The following ZFR2 variants were observed in gnomAD, a reference collection of about 807,000 sequenced individuals.
ZFR2 encodes the protein zinc finger RNA binding protein 2, also known as zinc finger RNA-binding protein 2.
In ZFR2, 104 loss-of-function variants were observed where a neutral mutation model predicts 105.7. That is an observed-to-expected ratio of 0.98 (90% CI 0.84 to 1.16). The LOEUF (loss-of-function observed/expected upper bound fraction) is 1.16. Ranked by LOEUF, ZFR2 falls within the 50% of genes most tolerant of loss-of-function variation. The probability of loss-of-function intolerance (pLI) is 0.00; values close to 1 mark genes in which losing one functional copy is unlikely to be tolerated. For missense variants in ZFR2, 1,425 were observed against 1,355.5 expected, an observed-to-expected ratio of 1.05 and a Z score of -0.80; for synonymous variants, 634 against 597.7, an observed-to-expected ratio of 1.06 and a Z score of -0.89.
chr19:3,850,743 AC>A (rs2038229336), intron 1 of ZFR2, among the ~76,000 whole-genome samples: 1 of 141,526 alleles, frequency 7.1e-6, no homozygotes, highest in South Asian at 2.3e-4. Context: ...AACAACAACA[AC>A]AACAACAAAA....
At chr19:3,812,135 C>G (rs974203162) in intron 14 of ZFR2, among the ~76,000 whole-genome samples, 1 of 151,828 alleles carries the variant, frequency 6.6e-6, no homozygotes, top group Non-Finnish European at 1.5e-5. Context: ...GTAGAGACAG[C>G]GTTTCACCGT....
chr19:3,823,408 G>A lies in ZFR2; in HGVS notation c.1214-5C>T. 9 of 1,599,354 alleles carry A rather than the reference G, an allele frequency of 5.6e-6. No individual in the cohort carries two copies. Among genetic ancestry groups the A allele is most frequent in the Non-Finnish European group, 7.7e-6 (9 of 1,173,498 alleles). ...CTGCCTGTGGCTCAGGAGGCCCTGAGGGGAAAAACCATGTCACTTATACCC... is the reference window on the plus strand; with the variant it reads ...CTGCCTGTGGCTCAGGAGGCCCTGAAGGGAAAAACCATGTCACTTATACCC... On this transcript the variant is annotated splice_region_variant and splice_polypyrimidine_tract_variant and intron_variant, in intron 7 of 18. Transcript: ENST00000262961. This position sits in a 1 kb window ranked among gnomAD's most constrained non-coding sequence, Gnocchi z 5.4.
At chr19:3,836,000 AG>A (rs2038073912) in intron 1 of ZFR2, among the ~76,000 whole-genome samples, 1 of 152,088 alleles carries the variant, frequency 6.6e-6, no homozygotes, top group African/African-American at 2.4e-5. Flanking sequence ...ACTATCTGCA[AG>A]GGTTGAGTTC....
At chr19:3,819,371 T>G in intron 11 of ZFR2, 136 bp from the exon 12 acceptor site, 1 of 927,918 alleles carries the variant, frequency 1.1e-6, no homozygotes, top group South Asian at 1.8e-5. Flanking sequence ...GAGAATCCAG[T>G]GCACACAGAG....
intron 3 of ZFR2, chr19:3,833,452 T>G: frequency 2.3e-6 from 1 of 429,786 alleles, no homozygotes; most frequent in East Asian, 4.0e-5. Context: ...TGCAGGCACT[T>G]GTAGTCCCAG....
intron 1 of ZFR2, chr19:3,852,258 T>C (rs926380890): frequency 2.3e-5 from 13 of 555,132 alleles, no homozygotes; most frequent in African/African-American, 4.0e-5. Flanking sequence ...CCTGGCCAGA[T>C]GGGGCTCAGC....
chr19:3,819,014 C>A lies in ZFR2; in HGVS notation c.1931+31G>T, dbSNP rs769515354. ...AGCTGACCTCTGTCCTGGCTGAGAG[C>A]CGGGCCCTGGGGAAGGGGATCTCCA... is the stretch of plus-strand genomic sequence containing the variant. On this transcript the variant is annotated intron_variant, in intron 12 of 18. Coordinates refer to ENST00000262961, the MANE Select transcript of ZFR2 (RefSeq NM_015174.2). 17 of 1,601,740 alleles carry A rather than the reference C, an allele frequency of 1.1e-5. No homozygotes were observed. The Admixed American group carries it at 2.9e-4, about 27-fold the overall frequency.
intron 1 of ZFR2, among the ~76,000 whole-genome samples, chr19:3,839,541 A>AAG: frequency 1.0e-4 from 1 of 10,014 alleles, no homozygotes; most frequent in Non-Finnish European, 1.4e-4. Context: ...TCTGTCAAAA[A>AAG]AAAAAAAAAA....
intron 1 of ZFR2, among the ~76,000 whole-genome samples, chr19:3,853,923 A>C (rs927317400): frequency 2.0e-5 from 3 of 151,962 alleles, no homozygotes; most frequent in Admixed American, 2.0e-4. Context: ...AAGTCTCTAC[A>C]AACTACAAAA....
chr19:3,857,571 G>A (rs1274311508), intron 1 of ZFR2, among the ~76,000 whole-genome samples: 1 of 150,502 alleles, frequency 6.6e-6, no homozygotes, highest in African/African-American at 2.4e-5. Context: ...GTGCATGCCT[G>A]TAGTCCCAGC....
Position 3,823,108 on chromosome 19 carries a change from G to A in ZFR2, c.1371+138C>T. 2 of 1,237,484 alleles carry A rather than the reference G, an allele frequency of 1.6e-6. No homozygotes were observed. The highest frequency in any genetic ancestry group is 1.4e-5 in the South Asian group (1 of 73,070). The allele number at this position is 1,237,484 out of a possible 1,614,324, so 76.7% of individuals were successfully genotyped here. Reference sequence around the variant, plus strand: ...GGTCTGCACGGGGTTTTGGTCCATGGAGGTCTGGCCTGTGCAGCTCAGGAA... The same window carrying A: ...GGTCTGCACGGGGTTTTGGTCCATGAAGGTCTGGCCTGTGCAGCTCAGGAA... On this transcript the variant is annotated intron_variant, in intron 8 of 18. Coordinates refer to ENST00000262961, the MANE Select transcript of ZFR2 (RefSeq NM_015174.2). The surrounding 1 kb of genome is among the most constrained non-coding windows in gnomAD (Gnocchi z 5.4).
At position 3,825,315 on chromosome 19, in the gene ZFR2, G is replaced by T; in HGVS notation, c.1128C>A (p.Pro376=). 6.3e-7 allele frequency: 1 copy of T among 1,582,784 alleles called. No individual in the cohort carries two copies. The highest frequency in any genetic ancestry group is 8.5e-7 in the Non-Finnish European group (1 of 1,169,798). ...TESPPGAEAK[P]TSPTGPSVCA... Reference sequence around the variant, plus strand: ...ACACGCTGGGGCCAGTGGGGGACGTGGGCTTGGCCTCTGCCCCGGGGGGGC... The same window carrying T: ...ACACGCTGGGGCCAGTGGGGGACGTTGGCTTGGCCTCTGCCCCGGGGGGGC... Residue 376 remains proline, a synonymous_variant, in exon 7 of 19, where the codon CCC becomes CCA. Transcript: ENST00000262961.
chr19:3,822,292 C>T (rs2037905260), intron 8 of ZFR2, 92 bp from the exon 9 acceptor site: 5 of 1,514,930 alleles, frequency 3.3e-6, no homozygotes, highest in South Asian at 1.2e-5. Context: ...AGCCTTCCTC[C>T]TTGCTGCTCA....
At chr19:3,820,880 C>A (rs1285360120) in intron 10 of ZFR2, among the ~76,000 whole-genome samples, 80 of 90,756 alleles carry the variant, frequency 8.8e-4, no homozygotes, top group African/African-American at 3.4e-3. Context: ...CACTAGAGGT[C>A]GGGGGACACA....
At chr19:3,819,661 C>T (rs1434204038) in intron 11 of ZFR2, among the ~76,000 whole-genome samples, 1 of 152,078 alleles carries the variant, frequency 6.6e-6, no homozygotes, top group Non-Finnish European at 1.5e-5. Flanking sequence ...CCAGGCCAGC[C>T]TGGCCAACAT....
chr19:3,846,603 T>TA (rs987462382), intron 1 of ZFR2, among the ~76,000 whole-genome samples: 2 of 152,158 alleles, frequency 1.3e-5, no homozygotes, highest in Non-Finnish European at 1.5e-5. Flanking sequence ...CACGCATCTT[T>TA]AAAAAAAGAC....
rs368756015 is a variant in ZFR2 at position 3,826,203 on chromosome 19, C to T, written c.1036-796G>A. Among the ~76,000 whole-genome samples the T allele has an allele frequency of 1.1e-4, 17 of 152,266 alleles. No homozygotes were observed. The South Asian group carries it at 2.9e-3, about 26-fold the overall frequency. ...CTCCTCCATGCCTCCCTGCTCATTC[C>T]TCTTTCCCCTGTGGGTTCACACGGG... is the stretch of plus-strand genomic sequence containing the variant. On this transcript the variant is annotated intron_variant, in intron 6 of 18. Transcript: ENST00000262961.
At chr19:3,820,329 CAGTGGCCCTA>C (rs2037876482) in intron 10 of ZFR2, 39 bp from the exon 11 acceptor site, 1 of 1,514,420 alleles carries the variant, frequency 6.6e-7, no homozygotes, top group African/African-American at 1.4e-5. Context: ...GTCAGGCCAG[CAGTGGCCCTA>C]AGCTGGGGGC....
In ZFR2 at chr19:3,834,528, G is replaced by A. The variant is rs188300259; in HGVS notation, c.264+245C>T. Among the ~76,000 whole-genome samples the A allele has an allele frequency of 6.6e-6, 1 of 152,286 alleles. No individual in the cohort carries two copies. Among genetic ancestry groups the A allele is most frequent in the East Asian group, 1.9e-4 (1 of 5,176 alleles). On this transcript the variant is annotated intron_variant, in intron 2 of 18. Coordinates refer to ENST00000262961, the MANE Select transcript of ZFR2 (RefSeq NM_015174.2). This position sits in a 1 kb window ranked among gnomAD's most constrained non-coding sequence, Gnocchi z 5.3. Reference sequence around the variant, plus strand: ...GGACAAAGCTCTGTGCGCCGTCACTGTCCCCACTGCCCCGACGTGGAGGTA... The same window carrying A: ...GGACAAAGCTCTGTGCGCCGTCACTATCCCCACTGCCCCGACGTGGAGGTA...
Sources: allele counts gnomAD v4.1 joint callset (sites outside exome capture counted in the v4.1 genomes callset), GRCh38; gene constraint gnomAD v4.1.1; non-coding constraint Gnocchi (gnomAD v3.1); transcripts MANE v1.5; gene names NCBI Gene and HGNC (gene_info 2026-07-23, HGNC 2026-07-21).